Variants in GBP6 observed in about 807,000 individuals in gnomAD.
GBP6 encodes the protein guanylate-binding protein 6.
In GBP6, 54 loss-of-function variants were observed where a neutral mutation model predicts 61.5. The observed-to-expected ratio is 0.88, with a 90% CI of 0.71 to 1.10. The LOEUF (loss-of-function observed/expected upper bound fraction) is 1.10, where lower values mean the gene tolerates loss of function less well. GBP6 is among the 50% of genes least tolerant of loss of function. The pLI is 0.00. For synonymous variants in GBP6, 255 were observed against 273.7 expected, an observed-to-expected ratio of 0.93 and a Z score of 0.67; for missense variants, 748 against 752.8, an observed-to-expected ratio of 0.99 and a Z score of 0.07.
intron 6 of GBP6, among the ~76,000 whole-genome samples, chr1:89,381,351 A>T (rs1431696620): frequency 6.6e-6 from 1 of 151,746 alleles, no homozygotes. Context: ...CTTCAGAATT[A>T]GGAATAAATG....
At position 89,383,982 on chromosome 1, in the gene GBP6, T is replaced by C. The variant is rs1023823311; in HGVS notation, c.1469-111T>C. On this transcript the variant is annotated intron_variant, in intron 9 of 10. Transcript: ENST00000370456. ...TCTTAATGGTGTGGACCTGGGTGAA[T>C]TCTGTGATTTCTCACCCTGCCTTTC... 28 of 1,132,032 alleles carry C rather than the reference T, an allele frequency of 2.5e-5. No individual in the cohort carries two copies. The Admixed American group carries it at 7.7e-4, about 31-fold the overall frequency. The allele number at this position is 1,132,032 out of a possible 1,614,324, so 70.1% of individuals were successfully genotyped here.
chr1:89,380,585 T>A lies in GBP6; in HGVS notation c.825T>A (p.His275Gln). Residue 275 changes from histidine to glutamine, a missense_variant, in exon 6 of 11, where the codon CAT becomes CAA. His to Gln is a conservative substitution (Grantham distance 24, BLOSUM62 0). Coordinates refer to ENST00000370456, the MANE Select transcript of GBP6 (RefSeq NM_198460.3). ...TTTTCTGTTCTTACATCTTCACTCA[T>A]GCAAGAACCAAGACCCTCAGGGAGG... is the stretch of plus-strand genomic sequence containing the variant. ...TNIFCSYIFT[H>Q]ARTKTLREGI... 1 of 1,614,152 alleles carries A rather than the reference T, an allele frequency of 6.2e-7. No homozygotes were observed. Among genetic ancestry groups the A allele is most frequent in the Non-Finnish European group, 8.5e-7 (1 of 1,179,968 alleles).
At chr1:89,369,715 GT>G (rs1557537059) in intron 3 of GBP6, 42 bp downstream of exon 3, 1 of 1,577,614 alleles carries the variant, frequency 6.3e-7, no homozygotes, top group Non-Finnish European at 8.6e-7. Context: ...TATTCCAGAC[GT>G]GATCCTTGTA....
Position 89,378,454 on chromosome 1 carries a change from T to TC in GBP6, c.468dup (p.Ser157LeufsTer5), listed in dbSNP as rs1557540894. 2 of 1,614,110 alleles carry TC rather than the reference T, an allele frequency of 1.2e-6. No homozygotes were observed. The highest frequency in any genetic ancestry group is 1.7e-6 in the Non-Finnish European group (2 of 1,179,990). On this transcript the variant is annotated frameshift_variant, in exon 5 of 11. Coordinates refer to ENST00000370456, the MANE Select transcript of GBP6 (RefSeq NM_198460.3). LOFTEE classifies it high-confidence loss of function. ...GCTCACAGAACTAATTAAGGCAAAG[T>TC]CCTCCCCAAGGCCTGATGGAGTAGA...
rs545528447 is a variant in GBP6 at position 89,387,994 on chromosome 1, G to T, written c.*2525G>T. On this transcript the variant is annotated 3_prime_UTR_variant, in exon 11 of 11. Transcript: ENST00000370456. ...CTATGAGAAGAAAATAAATTTTCCT[G>T]GTATAGTGTCCTTCTCTAGACCTCA... is the stretch of plus-strand genomic sequence containing the variant. 6.6e-6 allele frequency among the ~76,000 whole-genome samples: 1 copy of T among 152,198 alleles called. No individual in the cohort carries two copies. Among genetic ancestry groups the T allele is most frequent in the South Asian group, 2.1e-4 (1 of 4,818 alleles).
At position 89,382,852 on chromosome 1, in the gene GBP6, G is replaced by A; in HGVS notation, c.1341G>A (p.Trp447Ter). Residue 447 changes from tryptophan to a stop codon, truncating the protein, a stop_gained, in exon 8 of 11, where the codon TGG (tryptophan) becomes TGA (stop). Coordinates refer to ENST00000370456, the MANE Select transcript of GBP6 (RefSeq NM_198460.3). LOFTEE classifies it high-confidence loss of function. ...AGGAAAGGATTGAACAGGACTATTG[G>A]CAAGTTCCCAGGAAAGGAGTAAAGG... ...ETKERIEQDY[W>*]QVPRKGVKAK... 1 of 1,613,666 alleles carries A rather than the reference G, an allele frequency of 6.2e-7. No homozygotes were observed. Among genetic ancestry groups the A allele is most frequent in the Non-Finnish European group, 8.5e-7 (1 of 1,179,606 alleles).
At position 89,380,536 on chromosome 1, in the gene GBP6, C is replaced by A. The variant is rs368045971; in HGVS notation, c.776C>A (p.Pro259His). Residue 259 changes from proline (P) to histidine (H), a missense_variant, in exon 6 of 11, where the codon CCC (proline) becomes CAC (histidine). Pro to His is a moderately conservative substitution (Grantham distance 77). Coordinates refer to ENST00000370456, the MANE Select transcript of GBP6 (RefSeq NM_198460.3). ...IEKVSEKQLD[P>H]KFQEQTNIFC... Reference sequence around the variant, plus strand: ...AAGGTGTCAGAAAAGCAACTGGATCCCAAATTCCAGGAACAAACAAACATT... The same window carrying A: ...AAGGTGTCAGAAAAGCAACTGGATCACAAATTCCAGGAACAAACAAACATT... 1 of 1,614,074 alleles carries A rather than the reference C, an allele frequency of 6.2e-7. No homozygotes were observed. Among genetic ancestry groups the A allele is most frequent in the East Asian group, 2.2e-5 (1 of 44,870 alleles).
intron 3 of GBP6, among the ~76,000 whole-genome samples, chr1:89,370,955 A>T (rs1250209472): frequency 6.6e-6 from 1 of 152,170 alleles, no homozygotes; most frequent in Admixed American, 6.5e-5. Flanking sequence ...TATCTTTCAT[A>T]ACTGAAATTT....
chr1:89,368,944 A>G (rs996320883), intron 2 of GBP6, among the ~76,000 whole-genome samples: 1 of 152,166 alleles, frequency 6.6e-6, no homozygotes, highest in Non-Finnish European at 1.5e-5. Flanking sequence ...AGGAAACTCT[A>G]CATTACTAGT....
chr1:89,378,343 G>A, intron 4 of GBP6, 74 bp from the exon 5 acceptor site: 1 of 1,534,644 alleles, frequency 6.5e-7, no homozygotes, highest in Non-Finnish European at 8.9e-7. Context: ...ACAAAAGAGA[G>A]TGTTTATAAT....
At chr1:89,379,354 G>T (rs1000097538) in intron 5 of GBP6, among the ~76,000 whole-genome samples, 14 of 152,058 alleles carry the variant, frequency 9.2e-5, no homozygotes, top group African/African-American at 2.9e-4. Context: ...ATTGGGGGGG[G>T]GGGGTCATAT....
At position 89,382,647 on chromosome 1, in the gene GBP6, C is replaced by T; in HGVS notation, c.1153-17C>T. The T allele has an allele frequency of 6.2e-7, 1 of 1,605,292 alleles. No individual in the cohort carries two copies. The highest frequency in any genetic ancestry group is 8.5e-7 in the Non-Finnish European group (1 of 1,172,056). On this transcript the variant is annotated splice_polypyrimidine_tract_variant and intron_variant, in intron 7 of 10. Coordinates refer to ENST00000370456, the MANE Select transcript of GBP6 (RefSeq NM_198460.3). ...CCATGTTTCTTCTGGTGACATCTCTCTACATTTCCCTTGCAGGAAACCACA... is the reference window on the plus strand; with the variant it reads ...CCATGTTTCTTCTGGTGACATCTCTTTACATTTCCCTTGCAGGAAACCACA...
At chr1:89,371,192 T>C (rs925857303) in intron 3 of GBP6, among the ~76,000 whole-genome samples, 1 of 152,078 alleles carries the variant, frequency 6.6e-6, no homozygotes, top group Non-Finnish European at 1.5e-5. Flanking sequence ...TGAGATTGAA[T>C]ATATATAGAC....
rs371743747 is a variant in GBP6, at chr1:89,369,589, C to A, written c.234C>A (p.Ile78=). The change falls in exon 3 of 11, where the codon ATC becomes ATA. Residue 78 remains isoleucine, a synonymous_variant. Transcript: ENST00000370456. ...CGGTGCAGTCTGAAACCAAGGGCAT[C>A]TGGATGTGGTGCGTGCCCCACCCAT... ...GSTVQSETKG[I]WMWCVPHPSK... The A allele has an allele frequency of 1.5e-5, 24 of 1,614,142 alleles. 1 individual carries two copies. The highest frequency in any genetic ancestry group is 4.5e-5 in the East Asian group (2 of 44,882).
chr1:89,375,444 T>C (rs972533695), intron 3 of GBP6, among the ~76,000 whole-genome samples: 3 of 152,196 alleles, frequency 2.0e-5, no homozygotes, highest in Non-Finnish European at 2.9e-5. Context: ...TGGAAGACAG[T>C]ATGGCAATTC....
At chr1:89,367,288 C>T (rs1039105946) in intron 1 of GBP6, among the ~76,000 whole-genome samples, 1 of 152,120 alleles carries the variant, frequency 6.6e-6, no homozygotes, top group Non-Finnish European at 1.5e-5. Flanking sequence ...ACACAGGTTC[C>T]AAATCCTCAA....
intron 6 of GBP6, among the ~76,000 whole-genome samples, chr1:89,381,146 A>G (rs529189868): frequency 4.0e-4 from 60 of 151,582 alleles, no homozygotes; most frequent in African/African-American, 1.4e-3. Flanking sequence ...CTAGCTAGTC[A>G]TGGTGGCACA....
Position 89,380,367 on chromosome 1 carries a change from GT to G in GBP6, c.626-10del, listed in dbSNP as rs11361992. ...CAAGACTGTTTTCACTATATTCTCT[GT>G]TTTTTTTTATCCCTCAGGCAATAAT... On this transcript the variant is annotated intron_variant, in intron 5 of 10. Coordinates refer to ENST00000370456, the MANE Select transcript of GBP6 (RefSeq NM_198460.3). 1,411,382 of 1,595,372 alleles carry G rather than the reference GT, an allele frequency of 0.88. 624,836 individuals are homozygous for G. Among genetic ancestry groups the G allele is most frequent in the African/African-American group, 0.91 (68,071 of 74,400 alleles).
intron 3 of GBP6, among the ~76,000 whole-genome samples, chr1:89,372,106 A>G (rs1251086526): frequency 2.6e-5 from 4 of 152,238 alleles, no homozygotes; most frequent in Admixed American, 2.0e-4. Flanking sequence ...CCAACTTACA[A>G]GGGATGTGAA....
Sources: gnomAD v4.1 joint callset for allele counts (sites outside exome capture counted in the v4.1 genomes callset) on GRCh38, gnomAD v4.1.1 for gene constraint, MANE v1.5 for transcripts, NCBI Gene and HGNC (gene_info 2026-07-23, HGNC 2026-07-21) for gene names.